AGPAT5: variants seen among roughly 807,000 people sequenced by gnomAD.
The protein encoded by AGPAT5 is 1-acyl-sn-glycerol-3-phosphate acyltransferase epsilon.
A neutral mutation model predicts 45.6 loss-of-function variants in AGPAT5; 46 were observed. That is an observed-to-expected ratio of 1.01 (90% CI 0.80 to 1.29). The LOEUF (loss-of-function observed/expected upper bound fraction) is 1.29. AGPAT5 is among the 50% of genes most tolerant of loss of function. The pLI is 0.00. For synonymous variants in AGPAT5, 272 were observed against 167.0 expected, an observed-to-expected ratio of 1.63 and a Z score of -4.85; for missense variants, 673 against 450.7, an observed-to-expected ratio of 1.49 and a Z score of -4.47.
intron 1 of AGPAT5, among the ~76,000 whole-genome samples, chr8:6,719,656 G>A (rs1297395896): frequency 6.6e-6 from 1 of 152,188 alleles, no homozygotes; most frequent in African/African-American, 2.4e-5. Context: ...CTGGAGATGG[G>A]TAGCCTCCAG....
At chr8:6,735,198 G>A (rs1314722724) in intron 4 of AGPAT5, among the ~76,000 whole-genome samples, 1 of 151,978 alleles carries the variant, frequency 6.6e-6, no homozygotes, top group Non-Finnish European at 1.5e-5. Context: ...GTATTCATCC[G>A]TGCCCCATGG....
intron 4 of AGPAT5, among the ~76,000 whole-genome samples, chr8:6,734,961 C>G (rs1009246243): frequency 6.6e-6 from 1 of 152,136 alleles, no homozygotes; most frequent in Non-Finnish European, 1.5e-5. Context: ...GAGTGGCTCT[C>G]TTCTTTATGC....
At chr8:6,754,983 A>AT in intron 6 of AGPAT5, 68 bp from the exon 7 acceptor site, 1 of 1,310,680 alleles carries the variant, frequency 7.6e-7, no homozygotes, top group Non-Finnish European at 1.0e-6. Context: ...CCTTATTTTC[A>AT]TTTTTACTTT....
chr8:6,734,000 C>A (rs1400904358), intron 4 of AGPAT5, among the ~76,000 whole-genome samples: 2 of 152,122 alleles, frequency 1.3e-5, no homozygotes, highest in Non-Finnish European at 2.9e-5. Flanking sequence ...TATGTGGCTG[C>A]CTTCGTGAGT....
At chr8:6,742,280 A>G (rs926977027) in intron 5 of AGPAT5, among the ~76,000 whole-genome samples, 4 of 152,368 alleles carry the variant, frequency 2.6e-5, no homozygotes, top group Middle Eastern at 3.4e-3. Flanking sequence ...GAAGTTACAC[A>G]AAGTTGGTCC....
At chr8:6,749,976 C>G (rs184431140) in intron 6 of AGPAT5, among the ~76,000 whole-genome samples, 2 of 152,306 alleles carry the variant, frequency 1.3e-5, no homozygotes, top group Admixed American at 6.5e-5. Flanking sequence ...AAGCCTCGGC[C>G]GTGGTGAAGC....
intron 6 of AGPAT5, among the ~76,000 whole-genome samples, chr8:6,748,176 C>T (rs1307864506): frequency 6.6e-6 from 1 of 152,068 alleles, no homozygotes; most frequent in African/African-American, 2.4e-5. Flanking sequence ...GTCAGTGCTG[C>T]CCTTTTGCTG....
At chr8:6,724,100 T>TA (rs1245471605) in intron 1 of AGPAT5, among the ~76,000 whole-genome samples, 5 of 152,188 alleles carry the variant, frequency 3.3e-5, no homozygotes, top group Non-Finnish European at 7.3e-5. Flanking sequence ...GAAGGACTAA[T>TA]ACAGGTACAT....
intron 4 of AGPAT5, among the ~76,000 whole-genome samples, chr8:6,739,267 A>G (rs1801157898): frequency 1.3e-5 from 2 of 152,100 alleles, no homozygotes; most frequent in Non-Finnish European, 2.9e-5. Context: ...TGTTTTGGCT[A>G]TTTTAGGTTT....
chr8:6,716,570 C>T lies in AGPAT5; in HGVS notation c.219+7683C>T, dbSNP rs938087622. The stretch of plus-strand genomic sequence containing the variant: ...GGTAAAAGGGCCAGGTGCGGAGGCT[C>T]ACGCTGGTAATCCAAGCACTTTGGG... On this transcript the variant is annotated intron_variant, in intron 1 of 7. Coordinates refer to ENST00000285518, the MANE Select transcript of AGPAT5 (RefSeq NM_018361.5). Among the ~76,000 whole-genome samples, 16 of 152,170 alleles carry T rather than the reference C, an allele frequency of 1.1e-4. No individual in the cohort carries two copies. The South Asian group carries it at 1.2e-3, about 12-fold the overall frequency.
rs1802004241 is a variant in AGPAT5, at chr8:6,760,580, T to A, written c.*3192T>A. Among the ~76,000 whole-genome samples the A allele has an allele frequency of 6.6e-6, 1 of 152,178 alleles. No homozygotes were observed. The highest frequency in any genetic ancestry group is 1.5e-5 in the Non-Finnish European group (1 of 68,024). ...TAACCTTAATTTGTTTTTAGTAGTG[T>A]TTAGATTGAAGATTGAGTGAAATAT... On this transcript the variant is annotated 3_prime_UTR_variant, in exon 8 of 8. Transcript: ENST00000285518.
chr8:6,730,977 T>C (rs1198671450), intron 3 of AGPAT5, 151 bp downstream of exon 3: 2 of 448,150 alleles, frequency 4.5e-6, no homozygotes, highest in African/African-American at 4.1e-5. Context: ...CAAGTGAACC[T>C]CCTGCCTCTG....
At chr8:6,717,957 T>G (rs187108652) in intron 1 of AGPAT5, among the ~76,000 whole-genome samples, 24 of 152,336 alleles carry the variant, frequency 1.6e-4, no homozygotes, top group Admixed American at 5.2e-4. Flanking sequence ...GAAACCTAGG[T>G]GTAATTCCTA....
chr8:6,723,505 G>A (rs530873569), intron 1 of AGPAT5, among the ~76,000 whole-genome samples: 54 of 152,136 alleles, frequency 3.5e-4, no homozygotes, highest in Non-Finnish European at 7.4e-4. Context: ...GCAGGCATGG[G>A]CCACTATGCC....
chr8:6,739,755 T>G (rs911326056), intron 4 of AGPAT5, among the ~76,000 whole-genome samples: 3 of 152,130 alleles, frequency 2.0e-5, no homozygotes, highest in Non-Finnish European at 4.4e-5. Context: ...TTCTTTTTCT[T>G]GCTAAATTTT....
chr8:6,743,033 T>C (rs529501103), intron 5 of AGPAT5, among the ~76,000 whole-genome samples: 1 of 152,360 alleles, frequency 6.6e-6, no homozygotes, highest in Admixed American at 6.5e-5. Flanking sequence ...TTGTAAGCAC[T>C]TTTTCCAGTA....
At position 6,747,757 on chromosome 8, in the gene AGPAT5, T is replaced by C; in HGVS notation, c.674T>C (p.Ile225Thr). The change falls in exon 6 of 8, where the codon ATT becomes ACT. Residue 225 changes from isoleucine (I) to threonine (T), a missense_variant. By Grantham distance (89) the Ile-to-Thr change is moderately conservative. Transcript: ENST00000285518. ...TGCATGAAGAATTATTTAGATGCAA[T>C]TTATGATGTTACGGTGGTTTATGAA... Reference protein sequence around the residue: ...FDCMKNYLDAIYDVTVVYEGK... With the variant: ...FDCMKNYLDATYDVTVVYEGK... The C allele has an allele frequency of 6.2e-7, 1 of 1,614,190 alleles. No individual in the cohort carries two copies. The highest frequency in any genetic ancestry group is 8.5e-7 in the Non-Finnish European group (1 of 1,180,028).
intron 1 of AGPAT5, among the ~76,000 whole-genome samples, chr8:6,720,449 A>C (rs10481383): frequency 0.022 from 3,303 of 152,272 alleles, 116 homozygotes; most frequent in African/African-American, 0.075. Context: ...ACTTGAACAG[A>C]TTTTTGGCAG....
In AGPAT5 at chr8:6,708,661, C is replaced by T. The variant is rs754827401; in HGVS notation, c.-8C>T. The T allele has an allele frequency of 2.3e-5, 36 of 1,555,220 alleles. 1 individual carries two copies. In the Admixed American group the frequency reaches 5.5e-4, roughly 24 times the overall value. On this transcript the variant is annotated 5_prime_UTR_variant, in exon 1 of 8. Transcript: ENST00000285518. Reference sequence around the variant, plus strand: ...GCAGGCGGAGCTCGCTGCCGCCGAGCTGAGAAGATGCTGCTGTCCCTGGTG... The same window carrying T: ...GCAGGCGGAGCTCGCTGCCGCCGAGTTGAGAAGATGCTGCTGTCCCTGGTG...
Sources: allele counts gnomAD v4.1 joint callset (sites outside exome capture counted in the v4.1 genomes callset), GRCh38; gene constraint gnomAD v4.1.1; transcripts MANE v1.5; gene names NCBI Gene and HGNC (gene_info 2026-07-23, HGNC 2026-07-21).